Variants in GRIA4 observed in about 807,000 individuals in gnomAD.
The protein encoded by GRIA4 is glutamate ionotropic receptor AMPA type subunit 4, also known as glutamate receptor 4.
A neutral mutation model predicts 104.0 loss-of-function variants in GRIA4; 34 were observed. That is an observed-to-expected ratio of 0.33 (90% CI 0.25 to 0.44). The LOEUF (loss-of-function observed/expected upper bound fraction) is 0.44. Among genes scored for constraint, GRIA4 ranks in the 20% least tolerant of loss-of-function variants. GRIA4 has a pLI of 1.00. For missense variants in GRIA4, 750 were observed against 1,096.5 expected (o/e 0.68, Z 4.46); for synonymous variants, 386 against 381.9 (o/e 1.01, Z -0.13).
chr11:105,642,039 T>A (rs1021058049), intron 3 of GRIA4, among the ~76,000 whole-genome samples: 1 of 152,148 alleles, frequency 6.6e-6, no homozygotes, highest in Non-Finnish European at 1.5e-5. Flanking sequence ...CCTCTCTGCA[T>A]GTCTGTGTCC....
At chr11:105,804,965 A>C (rs1208347304) in intron 4 of GRIA4, among the ~76,000 whole-genome samples, 1 of 151,964 alleles carries the variant, frequency 6.6e-6, no homozygotes, top group South Asian at 2.1e-4. Context: ...ATATAATATA[A>C]AAATAGGCTT....
At chr11:105,978,214 T>C (rs1386625309) in intron 16 of GRIA4, among the ~76,000 whole-genome samples, 6 of 152,050 alleles carry the variant, frequency 3.9e-5, no homozygotes, top group African/African-American at 1.4e-4. Context: ...GTGCCTATTA[T>C]GTGCTAAATA....
At chr11:105,647,339 T>C (rs1281403284) in intron 3 of GRIA4, among the ~76,000 whole-genome samples, 2 of 152,156 alleles carry the variant, frequency 1.3e-5, no homozygotes, top group African/African-American at 4.8e-5. Flanking sequence ...TATACATTGT[T>C]GGTGGGAGTG....
chr11:105,941,714 CA>C lies in GRIA4; in HGVS notation c.2294+7748del, dbSNP rs1948184066. ...TGGAGTCAATCAAACAAATGTGACA[CA>C]AACAGCTTCTGACTTTCAAAGGCAA... On this transcript the variant is annotated intron_variant, in intron 14 of 16. Transcript: ENST00000282499. 2.6e-5 allele frequency among the ~76,000 whole-genome samples: 4 copies of C among 152,236 alleles called. No homozygotes were observed. The South Asian group carries it at 8.3e-4, about 32-fold the overall frequency.
rs7925478 is a variant in GRIA4, at chr11:105,796,936, A to G, written c.487+43716A>G. Among the ~76,000 whole-genome samples the G allele has an allele frequency of 9.5e-3, 1,443 of 152,238 alleles. 31 individuals are homozygous for G. Among genetic ancestry groups the G allele is most frequent in the African/African-American group, 0.033 (1,375 of 41,558 alleles). On this transcript the variant is annotated intron_variant, in intron 4 of 16. Transcript: ENST00000282499. ...GGCACCATATTAGAAGCATTGATACATAAAAATACCGCTGGCCAGGCATGG... is the reference window on the plus strand; with the variant it reads ...GGCACCATATTAGAAGCATTGATACGTAAAAATACCGCTGGCCAGGCATGG...
In GRIA4 at chr11:105,979,728, G is replaced by C. The variant is rs774336789; in HGVS notation, c.2698G>C (p.Asp900His). ...QSSGLAVIAS[D>H]LP The stretch of plus-strand genomic sequence containing the variant: ...TTCAGGATTGGCTGTCATTGCATCG[G>C]ACCTACCATAAAAACCAAAAAAATA... Residue 900 changes from aspartate to histidine, a missense_variant, in exon 17 of 17, where the codon GAC becomes CAC. This residue lies in a region of GRIA4 where 68 missense variants were observed against 69.3 expected (regional missense o/e 0.98). Coordinates refer to ENST00000282499, the MANE Select transcript of GRIA4 (RefSeq NM_000829.4). 5 of 1,612,804 alleles carry C rather than the reference G, an allele frequency of 3.1e-6. No homozygotes were observed. The highest frequency in any genetic ancestry group is 4.2e-6 in the Non-Finnish European group (5 of 1,179,114).
intron 4 of GRIA4, among the ~76,000 whole-genome samples, chr11:105,768,419 C>T (rs1941053407): frequency 6.6e-6 from 1 of 152,004 alleles, no homozygotes; most frequent in Non-Finnish European, 1.5e-5. Context: ...ATCAGGCAGT[C>T]ACATCAAGAA....
chr11:105,851,815 C>G (rs1371422767), intron 4 of GRIA4, among the ~76,000 whole-genome samples: 1 of 152,134 alleles, frequency 6.6e-6, no homozygotes, highest in Non-Finnish European at 1.5e-5. Context: ...CCTCCTTTCC[C>G]TTATTTTCCT....
chr11:105,627,788 C>G (rs1468638091), intron 3 of GRIA4, among the ~76,000 whole-genome samples: 2 of 152,088 alleles, frequency 1.3e-5, no homozygotes, highest in East Asian at 3.9e-4. Flanking sequence ...ACTTAAGCAC[C>G]TTCTATAATA....
intron 3 of GRIA4, among the ~76,000 whole-genome samples, chr11:105,688,198 A>C (rs994508242): frequency 4.0e-4 from 52 of 129,974 alleles, no homozygotes; most frequent in African/African-American, 5.4e-4. Flanking sequence ...ATTTATCTAT[A>C]TGCTAACTGG....
chr11:105,842,146 G>A (rs1274919315), intron 4 of GRIA4, among the ~76,000 whole-genome samples: 1 of 152,136 alleles, frequency 6.6e-6, no homozygotes, highest in Admixed American at 6.5e-5. Context: ...ATGCCCTAAG[G>A]AGAGAATATA....
chr11:105,734,060 T>A (rs1938778344), intron 3 of GRIA4, among the ~76,000 whole-genome samples: 1 of 147,400 alleles, frequency 6.8e-6, no homozygotes, highest in South Asian at 2.1e-4. Context: ...ATATGTATAT[T>A]ATATATAATA....
At chr11:105,854,053 A>G (rs1944917834) in intron 4 of GRIA4, among the ~76,000 whole-genome samples, 1 of 152,180 alleles carries the variant, frequency 6.6e-6, no homozygotes, top group Non-Finnish European at 1.5e-5. Flanking sequence ...ATCCAAAACT[A>G]TTTATCGAGT....
At chr11:105,700,905 T>C (rs765653585) in intron 3 of GRIA4, among the ~76,000 whole-genome samples, 2 of 152,148 alleles carry the variant, frequency 1.3e-5, no homozygotes, top group South Asian at 2.1e-4. Flanking sequence ...TTCTTTCTCA[T>C]TGATATAAAG....
At chr11:105,783,090 T>C (rs1201839097) in intron 4 of GRIA4, among the ~76,000 whole-genome samples, 1 of 152,216 alleles carries the variant, frequency 6.6e-6, no homozygotes, top group South Asian at 2.1e-4. Flanking sequence ...CTTCTGAAAC[T>C]AAATTTTATG....
chr11:105,942,553 G>A (rs536418248), intron 14 of GRIA4, among the ~76,000 whole-genome samples: 18 of 151,990 alleles, frequency 1.2e-4, no homozygotes, highest in Non-Finnish European at 2.1e-4. Flanking sequence ...ATACACTTAC[G>A]GTGACTTGCC....
At chr11:105,670,934 G>C (rs1202609062) in intron 3 of GRIA4, among the ~76,000 whole-genome samples, 1 of 152,060 alleles carries the variant, frequency 6.6e-6, no homozygotes, top group Non-Finnish European at 1.5e-5. Flanking sequence ...CTGTTTCCTT[G>C]CTTCTTCCAT....
chr11:105,723,074 G>A (rs1937940998), intron 3 of GRIA4, among the ~76,000 whole-genome samples: 1 of 152,036 alleles, frequency 6.6e-6, no homozygotes, highest in Non-Finnish European at 1.5e-5. Context: ...CTTGCCGATG[G>A]GTAAAGTTGA....
chr11:105,879,771 G>A (rs1028801155), intron 5 of GRIA4, among the ~76,000 whole-genome samples: 1 of 152,118 alleles, frequency 6.6e-6, no homozygotes, highest in African/African-American at 2.4e-5. Flanking sequence ...CTCATAAACA[G>A]GTTTGGTATT....
Sources: gnomAD v4.1 joint callset for allele counts (sites outside exome capture counted in the v4.1 genomes callset) on GRCh38, gnomAD v4.1.1 for gene constraint, gnomAD v4.1.1 regional missense constraint, MANE v1.5 for transcripts, NCBI Gene and HGNC (gene_info 2026-07-23, HGNC 2026-07-21) for gene names.